Variants in DSCAM observed in about 807,000 individuals in gnomAD.
DSCAM encodes the protein cell adhesion molecule DSCAM.
Under a neutral mutation model 217.7 loss-of-function variants are expected in DSCAM, and 47 were observed. The ratio of observed to expected loss-of-function variants is 0.22; its 90% CI spans 0.17 to 0.28. DSCAM has a LOEUF of 0.28. DSCAM is among the 10% of genes least tolerant of loss of function. The pLI is 1.00. For synonymous variants in DSCAM, 1,056 were observed against 1,015.3 expected, an observed-to-expected ratio of 1.04 and a Z score of -0.76; for missense variants, 2,080 against 2,618.3, an observed-to-expected ratio of 0.79 and a Z score of 4.49.
intron 3 of DSCAM, among the ~76,000 whole-genome samples, chr21:40,455,475 A>G (rs2075756085): frequency 6.6e-6 from 1 of 152,206 alleles, no homozygotes; most frequent in Non-Finnish European, 1.5e-5. Flanking sequence ...TGCATTAGAA[A>G]CATAAACCAA....
chr21:40,727,171 A>G (rs1328568144), intron 1 of DSCAM, among the ~76,000 whole-genome samples: 1 of 152,222 alleles, frequency 6.6e-6, no homozygotes, highest in African/African-American at 2.4e-5. Flanking sequence ...GATGGAAAAC[A>G]CACGATGCTG....
In DSCAM at chr21:40,405,388, G is replaced by C. The variant is rs73214893; in HGVS notation, c.509-36143C>G. On this transcript the variant is annotated intron_variant, in intron 3 of 32. Coordinates refer to ENST00000400454, the MANE Select transcript of DSCAM (RefSeq NM_001389.5). ...GGTGCAATTTTGGGGGTAAGCATTA[G>C]TGATATATGCTAAAAGTGGTCCCCA... Among the ~76,000 whole-genome samples, 990 of 152,292 alleles carry C rather than the reference G, an allele frequency of 6.5e-3. 7 individuals carry two copies. The highest frequency in any genetic ancestry group is 0.017 in the Middle Eastern group (5 of 294).
At chr21:40,624,356 T>G (rs563772107) in intron 3 of DSCAM, among the ~76,000 whole-genome samples, 30 of 152,332 alleles carry the variant, frequency 2.0e-4, no homozygotes, top group African/African-American at 6.7e-4. Flanking sequence ...AACTTTTTTT[T>G]AAGAACTGCC....
intron 14 of DSCAM, among the ~76,000 whole-genome samples, chr21:40,181,475 G>A (rs951361450): frequency 6.6e-6 from 1 of 152,128 alleles, no homozygotes; most frequent in Non-Finnish European, 1.5e-5. Flanking sequence ...GATTAAAATT[G>A]TACAACATCC....
chr21:40,470,853 C>T (rs182711681), intron 3 of DSCAM, among the ~76,000 whole-genome samples: 1 of 152,308 alleles, frequency 6.6e-6, no homozygotes, highest in Admixed American at 6.5e-5. Context: ...CTCACCTGGG[C>T]ATTTATTAAA....
At chr21:40,221,376 C>T (rs563800916) in intron 11 of DSCAM, among the ~76,000 whole-genome samples, 46 of 148,994 alleles carry the variant, frequency 3.1e-4, no homozygotes, top group Admixed American at 8.1e-4. Context: ...ATAATGTGTA[C>T]GTGTATAATA....
At chr21:40,048,557 A>G (rs928971271) in intron 30 of DSCAM, among the ~76,000 whole-genome samples, 2 of 152,198 alleles carry the variant, frequency 1.3e-5, no homozygotes, top group Admixed American at 6.5e-5. Flanking sequence ...GCAAACTAAT[A>G]AAATGCCTAG....
At chr21:40,824,271 C>T (rs1416652400) in intron 1 of DSCAM, among the ~76,000 whole-genome samples, 3 of 152,228 alleles carry the variant, frequency 2.0e-5, no homozygotes, top group Admixed American at 6.5e-5. Context: ...CTCTTATGTG[C>T]GGCAACCAAA....
At chr21:40,380,835 G>A (rs1047876945) in intron 3 of DSCAM, among the ~76,000 whole-genome samples, 5 of 151,874 alleles carry the variant, frequency 3.3e-5, no homozygotes, top group African/African-American at 4.8e-5. Flanking sequence ...AGGCCGAGGC[G>A]GGCGGATCAC....
chr21:40,573,313 G>A (rs568854288), intron 3 of DSCAM, among the ~76,000 whole-genome samples: 8 of 152,118 alleles, frequency 5.3e-5, no homozygotes, highest in African/African-American at 2.4e-5. Flanking sequence ...ACTCCAGCCT[G>A]GGCGACAGAG....
At chr21:40,516,308 G>T (rs1053633055) in intron 3 of DSCAM, among the ~76,000 whole-genome samples, 4 of 152,066 alleles carry the variant, frequency 2.6e-5, no homozygotes, top group African/African-American at 9.7e-5. Context: ...GGTGCCCCTG[G>T]GGTGAACAAG....
chr21:40,063,272 C>A (rs1282377796), intron 27 of DSCAM, among the ~76,000 whole-genome samples: 1 of 152,008 alleles, frequency 6.6e-6, no homozygotes, highest in African/African-American at 2.4e-5. Context: ...TTTTTGTTAT[C>A]AAAATATCAG....
intron 8 of DSCAM, among the ~76,000 whole-genome samples, chr21:40,320,898 C>T (rs1569061917): frequency 6.6e-6 from 1 of 152,150 alleles, no homozygotes; most frequent in Non-Finnish European, 1.5e-5. Context: ...CTATCAGTCA[C>T]CATCTCTGTT....
chr21:40,405,108 T>TA, intron 3 of DSCAM, among the ~76,000 whole-genome samples: 1 of 152,290 alleles, frequency 6.6e-6, no homozygotes, highest in Middle Eastern at 3.4e-3. Context: ...ACATAGCCCA[T>TA]GGCCCCCAGG....
intron 10 of DSCAM, among the ~76,000 whole-genome samples, chr21:40,281,395 C>T (rs1488814883): frequency 1.3e-5 from 2 of 152,084 alleles, no homozygotes; most frequent in Admixed American, 6.5e-5. Flanking sequence ...CTGTCTTTCC[C>T]ATTCCACAAG....
At chr21:40,590,301 C>T (rs756744657) in intron 3 of DSCAM, among the ~76,000 whole-genome samples, 1 of 152,194 alleles carries the variant, frequency 6.6e-6, no homozygotes, top group Non-Finnish European at 1.5e-5. Flanking sequence ...CTATTTAGTG[C>T]TCTATCATTA....
intron 3 of DSCAM, among the ~76,000 whole-genome samples, chr21:40,559,736 T>C (rs1456570242): frequency 6.6e-6 from 1 of 151,828 alleles, no homozygotes; most frequent in African/African-American, 2.4e-5. Context: ...ACTTAAGAAC[T>C]TTTTTTCCCT....
At chr21:40,540,149 G>A (rs574288440) in intron 3 of DSCAM, among the ~76,000 whole-genome samples, 69 of 152,148 alleles carry the variant, frequency 4.5e-4, no homozygotes, top group Non-Finnish European at 7.2e-4. Context: ...CTTCTGGGCC[G>A]TTCCTCCTAC....
chr21:40,791,309 C>G (rs1281136443), intron 1 of DSCAM, among the ~76,000 whole-genome samples: 1 of 152,140 alleles, frequency 6.6e-6, no homozygotes, highest in Non-Finnish European at 1.5e-5. Flanking sequence ...GCAACACTGA[C>G]AATATCCGCT....
Sources: gnomAD v4.1 joint callset for allele counts (sites outside exome capture counted in the v4.1 genomes callset) on GRCh38, gnomAD v4.1.1 for gene constraint, MANE v1.5 for transcripts, NCBI Gene and HGNC (gene_info 2026-07-23, HGNC 2026-07-21) for gene names.